The following SNX29 variants were observed in gnomAD, a reference collection of about 807,000 sequenced individuals.
SNX29 encodes the protein sorting nexin-29.
A neutral mutation model predicts 102.1 loss-of-function variants in SNX29; 78 were observed. The observed-to-expected ratio is 0.76, with a 90% CI of 0.64 to 0.92. The LOEUF is 0.92. SNX29 is among the 40% of genes least tolerant of loss of function. SNX29 has a pLI of 0.00. For synonymous variants in SNX29, 580 were observed against 414.5 expected, an observed-to-expected ratio of 1.40 and a Z score of -4.85; for missense variants, 1,280 against 1,061.7, an observed-to-expected ratio of 1.21 and a Z score of -2.86.
intron 20 of SNX29, among the ~76,000 whole-genome samples, chr16:12,562,559 C>A (rs372242097): frequency 1.3e-5 from 2 of 152,296 alleles, no homozygotes; most frequent in East Asian, 3.9e-4. Context: ...AAGACACTGT[C>A]CCCGTGGTCC....
chr16:12,565,177 ACCC>A (rs1023053224), intron 20 of SNX29, among the ~76,000 whole-genome samples: 2 of 151,064 alleles, frequency 1.3e-5, no homozygotes, highest in East Asian at 3.9e-4. Context: ...GTCCTACCCA[ACCC>A]CCCACCTTCA....
At chr16:12,559,649 C>A (rs546364573) in intron 20 of SNX29, among the ~76,000 whole-genome samples, 1 of 152,108 alleles carries the variant, frequency 6.6e-6, no homozygotes, top group Non-Finnish European at 1.5e-5. Context: ...AAATGTAAGC[C>A]ACATTCTGCT....
intron 11 of SNX29, chr16:12,087,024 G>A (rs1160815384): frequency 2.6e-5 from 4 of 152,094 alleles, no homozygotes; most frequent in Non-Finnish European, 4.4e-5. Context: ...AACAAGCAGG[G>A]TAACCATCAT....
At chr16:12,562,037 G>C (rs1289456051) in intron 20 of SNX29, among the ~76,000 whole-genome samples, 2 of 151,988 alleles carry the variant, frequency 1.3e-5, no homozygotes, top group African/African-American at 4.8e-5. Context: ...TGGATTTAGG[G>C]ATGGAATCAT....
chr16:12,398,304 G>A (rs530083821), intron 16 of SNX29, 142 bp from the exon 17 acceptor site: 25 of 876,606 alleles, frequency 2.9e-5, no homozygotes, highest in South Asian at 1.4e-4. Flanking sequence ...ATCTCTTACC[G>A]TTTTCCAGTG....
chr16:12,572,047 A>G lies in SNX29; in HGVS notation c.*3418A>G, dbSNP rs956828253. 6.6e-6 allele frequency: 7 copies of G among 1,063,536 alleles called. No individual in the cohort carries two copies. The highest frequency in any genetic ancestry group is 1.1e-4 in the Admixed American group (2 of 18,700). 65.9% of individuals were successfully genotyped at this position (1,063,536 alleles called of 1,614,324 possible). A position where few individuals can be genotyped will look rare whatever the true frequency, so the allele number is the denominator to read the frequency against. On this transcript the variant is annotated 3_prime_UTR_variant, in exon 21 of 21. Coordinates refer to ENST00000566228, the MANE Select transcript of SNX29 (RefSeq NM_032167.5). The stretch of plus-strand genomic sequence containing the variant: ...AAAAGGGATCATCCAGTGGAGTTGT[A>G]AACAAGGGAACCATCTTGCAAGATC...
intron 19 of SNX29, among the ~76,000 whole-genome samples, chr16:12,512,008 G>A (rs2089642655): frequency 6.6e-6 from 1 of 152,024 alleles, no homozygotes; most frequent in Middle Eastern, 3.2e-3. Context: ...GCTGGGCACT[G>A]AAGATGGATA....
chr16:12,324,553 C>G (rs2081058272), intron 15 of SNX29, among the ~76,000 whole-genome samples: 1 of 152,076 alleles, frequency 6.6e-6, no homozygotes, highest in Admixed American at 6.5e-5. Context: ...GATTCTAGGC[C>G]TGAGCCACTG....
At chr16:12,469,719 G>T (rs2087243361) in intron 18 of SNX29, among the ~76,000 whole-genome samples, 1 of 152,200 alleles carries the variant, frequency 6.6e-6, no homozygotes, top group Admixed American at 6.5e-5. Flanking sequence ...ATACAAAACT[G>T]CAGGGCTGGC....
chr16:12,272,427 C>T lies in SNX29; in HGVS notation c.1679-5506C>T, dbSNP rs535446758. Among the ~76,000 whole-genome samples, 368 of 152,320 alleles carry T rather than the reference C, an allele frequency of 2.4e-3. 3 individuals carry two copies. Among genetic ancestry groups the T allele is most frequent in the African/African-American group, 8.5e-3 (352 of 41,576 alleles). ...GCAGGGCTGTGAGTTCGCCATTTTGCGTATGTATTAGCACCAGGCTCTGCT... is the reference window on the plus strand; with the variant it reads ...GCAGGGCTGTGAGTTCGCCATTTTGTGTATGTATTAGCACCAGGCTCTGCT... On this transcript the variant is annotated intron_variant, in intron 14 of 20. Coordinates refer to ENST00000566228, the MANE Select transcript of SNX29 (RefSeq NM_032167.5).
chr16:12,536,407 G>A (rs891576990), intron 20 of SNX29, among the ~76,000 whole-genome samples: 1 of 151,920 alleles, frequency 6.6e-6, no homozygotes, highest in African/African-American at 2.4e-5. Flanking sequence ...CAAGCAGAAT[G>A]GCCTCATCAG....
In SNX29 at chr16:12,481,401, C is replaced by G. The variant is rs997069540; in HGVS notation, c.2178+3542C>G. 4.6e-5 allele frequency among the ~76,000 whole-genome samples: 7 copies of G among 151,480 alleles called. 1 individual carries two copies. Among genetic ancestry groups the G allele is most frequent in the African/African-American group, 1.7e-4 (7 of 41,120 alleles). On this transcript the variant is annotated intron_variant, in intron 19 of 20. Transcript: ENST00000566228. ...TTATACATATATATATATATACACACACACACACACATATACATACACACA... is the reference window on the plus strand; with the variant it reads ...TTATACATATATATATATATACACAGACACACACACATATACATACACACA...
rs1382097086 is a variant in SNX29 at position 12,297,896 on chromosome 16, G to A, written c.1782+19860G>A. On this transcript the variant is annotated intron_variant, in intron 15 of 20. Transcript: ENST00000566228. ...CAATAATAGCACTTATGGGCCAGGC[G>A]CTGTGGCTCATACCTGTAATCCCAG... is the stretch of plus-strand genomic sequence containing the variant. Among the ~76,000 whole-genome samples the A allele has an allele frequency of 6.6e-5, 10 of 152,310 alleles. No individual in the cohort carries two copies. In the East Asian group the frequency reaches 1.7e-3, roughly 27 times the overall value.
intron 9 of SNX29, among the ~76,000 whole-genome samples, chr16:12,067,280 CA>C (rs1448000513): frequency 6.6e-6 from 1 of 151,922 alleles, no homozygotes; most frequent in African/African-American, 2.4e-5. Context: ...AAGGTTAAAA[CA>C]ATTTTTTTTT....
At chr16:12,066,001 G>A (rs777657438) in intron 9 of SNX29, among the ~76,000 whole-genome samples, 3 of 152,172 alleles carry the variant, frequency 2.0e-5, no homozygotes, top group Admixed American at 6.5e-5. Flanking sequence ...ACCCCAGAGC[G>A]TCAGGCCCAC....
chr16:12,456,506 CGTG>C (rs386789105), intron 18 of SNX29, among the ~76,000 whole-genome samples: 1 of 148,842 alleles, frequency 6.7e-6, no homozygotes, highest in Non-Finnish European at 1.5e-5. Context: ...CATGTGTGCA[CGTG>C]TGTGTGTGTG....
At chr16:12,481,573 C>T (rs1473971291) in intron 19 of SNX29, among the ~76,000 whole-genome samples, 6 of 151,312 alleles carry the variant, frequency 4.0e-5, no homozygotes, top group East Asian at 4.0e-4. Flanking sequence ...GTCACCCTGT[C>T]GCCCAGGGTG....
chr16:12,106,097 G>C (rs569975018), intron 11 of SNX29, among the ~76,000 whole-genome samples: 1 of 152,292 alleles, frequency 6.6e-6, no homozygotes, highest in South Asian at 2.1e-4. Context: ...GATTGTCACA[G>C]CTTAATGATA....
intron 16 of SNX29, among the ~76,000 whole-genome samples, chr16:12,369,787 TAC>T (rs1161155902): frequency 5.9e-5 from 9 of 152,380 alleles, no homozygotes; most frequent in Non-Finnish European, 1.2e-4. Flanking sequence ...TCTAACTAAA[TAC>T]ATTATACTTA....
Sources: gnomAD v4.1 joint callset for allele counts (sites outside exome capture counted in the v4.1 genomes callset) on GRCh38, gnomAD v4.1.1 for gene constraint, MANE v1.5 for transcripts, NCBI Gene and HGNC (gene_info 2026-07-23, HGNC 2026-07-21) for gene names.